PCDHGA1: variants seen among roughly 807,000 people sequenced by gnomAD.
The protein encoded by PCDHGA1 is protocadherin gamma-A1.
Under a neutral mutation model 58.0 loss-of-function variants are expected in PCDHGA1, and 32 were observed. The observed-to-expected ratio is 0.55, with a 90% CI of 0.42 to 0.74. The LOEUF is 0.74. Among genes scored for constraint, PCDHGA1 ranks in the 30% least tolerant of loss-of-function variants. PCDHGA1 has a pLI of 0.00. For missense variants in PCDHGA1, 1,205 were observed against 1,182.3 expected (o/e 1.02, Z -0.28); for synonymous variants, 498 against 501.1 (o/e 0.99, Z 0.08).
At chr5:141,498,964 G>A (rs1342764380) in intron 2 of PCDHGA1, among the ~76,000 whole-genome samples, 2 of 127,572 alleles carry the variant, frequency 1.6e-5, no homozygotes, top group Admixed American at 8.7e-5. Context: ...AGAGAGGGAG[G>A]GAGGGAGGGA....
intron 1 of PCDHGA1, among the ~76,000 whole-genome samples, chr5:141,343,533 T>A (rs1561486444): frequency 6.6e-6 from 1 of 152,234 alleles, no homozygotes; most frequent in Admixed American, 6.5e-5. Context: ...TGTTACTGTG[T>A]GTTTCTTAAA....
At chr5:141,465,293 G>A (rs1407146382) in intron 1 of PCDHGA1, among the ~76,000 whole-genome samples, 2 of 152,258 alleles carry the variant, frequency 1.3e-5, no homozygotes, top group South Asian at 2.1e-4. Flanking sequence ...AAAGAACTGA[G>A]AGTCCTGGGA....
chr5:141,477,978 T>A lies in PCDHGA1; in HGVS notation c.2422-16829T>A. ...TCCCCTAACCAGAGCCTTTTTGCCA[T>A]AGGGCTGCACACTGGTCAAATCAGT... is the stretch of plus-strand genomic sequence containing the variant. On this transcript the variant is annotated intron_variant, in intron 1 of 3. Transcript: ENST00000517417. The surrounding 1 kb of genome is among the most constrained non-coding windows in gnomAD (Gnocchi z 4.9). The A allele has an allele frequency of 6.2e-7, 1 of 1,614,120 alleles. No individual in the cohort carries two copies. Among genetic ancestry groups the A allele is most frequent in the Non-Finnish European group, 8.5e-7 (1 of 1,180,022 alleles).
chr5:141,485,503 C>T lies in PCDHGA1; in HGVS notation c.2422-9304C>T, dbSNP rs1057374827. The T allele has an allele frequency of 5.0e-6, 8 of 1,614,096 alleles. No homozygotes were observed. The highest frequency in any genetic ancestry group is 6.8e-6 in the Non-Finnish European group (8 of 1,180,008). On this transcript the variant is annotated intron_variant, in intron 1 of 3. Coordinates refer to ENST00000517417, the MANE Select transcript of PCDHGA1 (RefSeq NM_018912.3). This position sits in a 1 kb window ranked among gnomAD's most constrained non-coding sequence, Gnocchi z 5.7. ...GCATCGTGCCCCTGGAGTTTGTCAC[C>T]GAAGGTCCTTTGGAAATGTACCGAG...
chr5:141,473,048 A>T (rs1295750830), intron 1 of PCDHGA1, among the ~76,000 whole-genome samples: 4 of 151,992 alleles, frequency 2.6e-5, no homozygotes, highest in Non-Finnish European at 5.9e-5. Flanking sequence ...GAAAGAAAGA[A>T]GTGATACAAC....
chr5:141,450,386 A>T (rs1208546397), intron 1 of PCDHGA1, among the ~76,000 whole-genome samples: 2 of 152,192 alleles, frequency 1.3e-5, no homozygotes, highest in Non-Finnish European at 2.9e-5. Flanking sequence ...TGAAACTGAC[A>T]TTTGTAAAGA....
chr5:141,395,437 G>A lies in PCDHGA1; in HGVS notation c.2421+62332G>A, dbSNP rs973609255. On this transcript the variant is annotated intron_variant, in intron 1 of 3. Coordinates refer to ENST00000517417, the MANE Select transcript of PCDHGA1 (RefSeq NM_018912.3). ...TGTTTCATTTGCTTTTAAACGACTT[G>A]GAAAAGATTGTTCAACCATTTTAAG... 5.2e-5 allele frequency: 35 copies of A among 668,254 alleles called. No homozygotes were observed. The African/African-American group carries it at 6.1e-4, about 12-fold the overall frequency. 41.4% of individuals were successfully genotyped at this position (668,254 alleles called of 1,614,324 possible).
At chr5:141,382,861 TC>T in intron 1 of PCDHGA1, 1 of 1,514,402 alleles carries the variant, frequency 6.6e-7, no homozygotes, top group South Asian at 1.3e-5. Flanking sequence ...CTGAAGCACT[TC>T]CCGAGATCGG....
chr5:141,476,507 A>G lies in PCDHGA1; in HGVS notation c.2422-18300A>G. 1 of 1,614,102 alleles carries G rather than the reference A, an allele frequency of 6.2e-7. No individual in the cohort carries two copies. The highest frequency in any genetic ancestry group is 8.5e-7 in the Non-Finnish European group (1 of 1,180,008). On this transcript the variant is annotated intron_variant, in intron 1 of 3. Transcript: ENST00000517417. This position sits in a 1 kb window ranked among gnomAD's most constrained non-coding sequence, Gnocchi z 7.6. Reference sequence around the variant, plus strand: ...AGTGGTGATCCAGGACATCAACGACAACAATCCTGCTTTCCCTACCCAGGA... The same window carrying G: ...AGTGGTGATCCAGGACATCAACGACGACAATCCTGCTTTCCCTACCCAGGA...
intron 1 of PCDHGA1, among the ~76,000 whole-genome samples, chr5:141,338,222 G>A (rs1442119232): frequency 1.3e-5 from 2 of 152,256 alleles, no homozygotes; most frequent in East Asian, 3.9e-4. Flanking sequence ...CTTGAGACCA[G>A]GGCCTGTGTT....
chr5:141,444,151 G>T (rs1031944414), intron 1 of PCDHGA1, among the ~76,000 whole-genome samples: 1 of 92,746 alleles, frequency 1.1e-5, no homozygotes, highest in Non-Finnish European at 2.1e-5. Flanking sequence ...GTGTGTACTG[G>T]ATTTTTTTTT....
intron 1 of PCDHGA1, among the ~76,000 whole-genome samples, chr5:141,407,479 T>C (rs1042229151): frequency 1.4e-5 from 2 of 144,060 alleles, no homozygotes; most frequent in East Asian, 1.9e-4. Context: ...GAATGGAGTA[T>C]GGAAAATCTT....
chr5:141,365,354 G>A, intron 1 of PCDHGA1: 1 of 1,613,932 alleles, frequency 6.2e-7, no homozygotes, highest in Non-Finnish European at 8.5e-7. Flanking sequence ...GGACGTGAAT[G>A]ACAATGCCCC....
intron 2 of PCDHGA1, among the ~76,000 whole-genome samples, chr5:141,503,222 G>A (rs540244346): frequency 2.2e-4 from 34 of 152,120 alleles, no homozygotes; most frequent in African/African-American, 7.7e-4. Context: ...CATGAGCACC[G>A]TAAAGATGGA....
At chr5:141,347,247 A>G (rs1757940581) in intron 1 of PCDHGA1, among the ~76,000 whole-genome samples, 1 of 150,900 alleles carries the variant, frequency 6.6e-6, no homozygotes, top group South Asian at 2.1e-4. Context: ...TTGACCTCGC[A>G]GACTCAAGTG....
At chr5:141,408,078 C>G in intron 1 of PCDHGA1, 1 of 1,407,992 alleles carries the variant, frequency 7.1e-7, no homozygotes, top group Non-Finnish European at 9.4e-7. Context: ...CCTTTCCCAG[C>G]ACAGCGGATT....
intron 1 of PCDHGA1, chr5:141,419,383 C>A (rs1354675466): frequency 6.2e-7 from 1 of 1,613,698 alleles, no homozygotes; most frequent in South Asian, 1.1e-5. Context: ...TGTCCGTGAG[C>A]GCGCAGAGCG....
chr5:141,431,146 T>G lies in PCDHGA1; in HGVS notation c.2422-63661T>G. On this transcript the variant is annotated intron_variant, in intron 1 of 3. Coordinates refer to ENST00000517417, the MANE Select transcript of PCDHGA1 (RefSeq NM_018912.3). The surrounding 1 kb of genome is among the most constrained non-coding windows in gnomAD (Gnocchi z 4.8). The stretch of plus-strand genomic sequence containing the variant: ...TAGAAGTAAGGGACATTAACGACAA[T>G]GCGCCTTACTTTCGTGAAAGTGAAT... 6.2e-7 allele frequency: 1 copy of G among 1,614,124 alleles called. No individual in the cohort carries two copies. Among genetic ancestry groups the G allele is most frequent in the African/African-American group, 1.3e-5 (1 of 75,022 alleles).
Position 141,376,767 on chromosome 5 carries a change from A to G in PCDHGA1, c.2421+43662A>G. The G allele has an allele frequency of 7.0e-6, 3 of 425,754 alleles. No individual in the cohort carries two copies. The South Asian group carries it at 8.7e-5, about 12-fold the overall frequency. 26.4% of individuals were successfully genotyped at this position (425,754 alleles called of 1,614,324 possible). On this transcript the variant is annotated intron_variant, in intron 1 of 3. Coordinates refer to ENST00000517417, the MANE Select transcript of PCDHGA1 (RefSeq NM_018912.3). The stretch of plus-strand genomic sequence containing the variant: ...AGTGGCGCAATCTCGGCTCACTGCA[A>G]GCTCCGCTTCCCGGGTTCACGCCAT...
Sources: allele counts gnomAD v4.1 joint callset (sites outside exome capture counted in the v4.1 genomes callset), GRCh38; gene constraint gnomAD v4.1.1; non-coding constraint Gnocchi (gnomAD v3.1); transcripts MANE v1.5; gene names NCBI Gene and HGNC (gene_info 2026-07-23, HGNC 2026-07-21).